ABCA13: variants seen among roughly 807,000 people sequenced by gnomAD.
The protein encoded by ABCA13 is ATP binding cassette subfamily A member 13.
Under a neutral mutation model 478.7 loss-of-function variants are expected in ABCA13, and 476 were observed. The ratio of observed to expected loss-of-function variants is 0.99; its 90% CI spans 0.92 to 1.07. The LOEUF is 1.07. ABCA13 is among the 50% of genes least tolerant of loss of function. The pLI, the probability that ABCA13 is intolerant of heterozygous loss-of-function variation, is 0.00. For synonymous variants in ABCA13, 2,252 were observed against 2,158.9 expected, an observed-to-expected ratio of 1.04 and a Z score of -1.20; for missense variants, 6,060 against 5,910.6, an observed-to-expected ratio of 1.03 and a Z score of -0.83.
chr7:48,586,609 G>A (rs1392052067), intron 56 of ABCA13, among the ~76,000 whole-genome samples: 1 of 152,108 alleles, frequency 6.6e-6, no homozygotes, highest in Non-Finnish European at 1.5e-5. Context: ...GACAAGGGGT[G>A]AAGAACTACC....
chr7:48,247,883 G>A (rs76417594), intron 13 of ABCA13, among the ~76,000 whole-genome samples: 5 of 152,224 alleles, frequency 3.3e-5, no homozygotes, highest in East Asian at 1.9e-4. Context: ...ATGGGTTTAC[G>A]TGAGCCAGAT....
intron 15 of ABCA13, among the ~76,000 whole-genome samples, chr7:48,267,190 T>C (rs1348016578): frequency 1.3e-5 from 2 of 152,072 alleles, no homozygotes; most frequent in African/African-American, 4.8e-5. Context: ...AGCAATTACA[T>C]CAAGTTGTTT....
chr7:48,280,835 C>G (rs1241197932), intron 18 of ABCA13, among the ~76,000 whole-genome samples: 1 of 152,194 alleles, frequency 6.6e-6, no homozygotes, highest in Non-Finnish European at 1.5e-5. Flanking sequence ...AATTTGACTG[C>G]TAGTTTTCAG....
Position 48,367,735 on chromosome 7 carries a change from A to G in ABCA13, c.10689-59A>G. On this transcript the variant is annotated intron_variant, in intron 31 of 61. Coordinates refer to ENST00000435803, the MANE Select transcript of ABCA13 (RefSeq NM_152701.5). ...CTTTCTAACTTGGAAGAAAAATGTA[A>G]AAAATTAGTAGAGTCATTTTGCTTG... 4.4e-6 allele frequency: 6 copies of G among 1,351,964 alleles called. 1 individual carries two copies. The South Asian group carries it at 6.3e-5, about 14-fold the overall frequency. The allele number at this position is 1,351,964 out of a possible 1,614,324, so 83.7% of individuals were successfully genotyped here.
chr7:48,468,342 C>T (rs927797627), intron 44 of ABCA13, among the ~76,000 whole-genome samples: 15 of 152,214 alleles, frequency 9.9e-5, no homozygotes, highest in African/African-American at 3.4e-4. Context: ...AGATCAGCCT[C>T]ATAGCTTTTC....
chr7:48,446,488 T>C (rs1288309146), intron 42 of ABCA13, among the ~76,000 whole-genome samples: 2 of 152,116 alleles, frequency 1.3e-5, no homozygotes, highest in East Asian at 1.9e-4. Flanking sequence ...TTACATACAG[T>C]TCTGTTCCTT....
chr7:48,253,816 A>G (rs1792950957), intron 15 of ABCA13, among the ~76,000 whole-genome samples: 1 of 152,198 alleles, frequency 6.6e-6, no homozygotes, highest in African/African-American at 2.4e-5. Context: ...TTGAGGACTT[A>G]AGATGTGTGG....
intron 31 of ABCA13, among the ~76,000 whole-genome samples, chr7:48,363,357 G>C (rs1183147490): frequency 6.6e-6 from 1 of 152,050 alleles, no homozygotes; most frequent in Non-Finnish European, 1.5e-5. Context: ...ATATAACTTG[G>C]TAATTTTGGC....
chr7:48,537,504 G>A (rs1412231321), intron 55 of ABCA13, among the ~76,000 whole-genome samples: 9 of 152,192 alleles, frequency 5.9e-5, no homozygotes, highest in Admixed American at 5.9e-4. Context: ...CCTGAACAAG[G>A]GAGGGGAAGG....
chr7:48,364,039 G>A (rs923140401), intron 31 of ABCA13, among the ~76,000 whole-genome samples: 1 of 152,100 alleles, frequency 6.6e-6, no homozygotes, highest in East Asian at 1.9e-4. Context: ...TTTTGTTACC[G>A]TGATTGTTAC....
intron 21 of ABCA13, among the ~76,000 whole-genome samples, chr7:48,296,258 G>A (rs994012311): frequency 6.6e-6 from 1 of 152,016 alleles, no homozygotes; most frequent in Non-Finnish European, 1.5e-5. Flanking sequence ...AAATTAGCAG[G>A]ATTTGGTGCT....
intron 31 of ABCA13, 84 bp downstream of exon 31, chr7:48,352,571 TGG>T: frequency 7.1e-7 from 1 of 1,408,492 alleles, no homozygotes; most frequent in Non-Finnish European, 9.4e-7. Flanking sequence ...AGTTTTTCTA[TGG>T]TTATTTCAAA....
In ABCA13 at chr7:48,272,312, T is replaced by G; in HGVS notation, c.2646T>G (p.Pro882=). 6.2e-7 allele frequency: 1 copy of G among 1,613,792 alleles called. No homozygotes were observed. The highest frequency in any genetic ancestry group is 8.5e-7 in the Non-Finnish European group (1 of 1,179,758). The change falls in exon 17 of 62, where the codon CCT becomes CCG. Residue 882 remains proline (P), a synonymous_variant. Transcript: ENST00000435803. Reference sequence around the variant, plus strand: ...CCCAGTTGTTCCATTCAGATTGGCCTAAATCACCAGCTATGAACATAGATT... The same window carrying G: ...CCCAGTTGTTCCATTCAGATTGGCCGAAATCACCAGCTATGAACATAGATT... ...NFSQLFHSDW[P]KSPAMNIDFV... is the part of the protein sequence containing the mutation.
In ABCA13 at chr7:48,272,611, G is replaced by A; in HGVS notation, c.2945G>A (p.Gly982Asp). 2 of 1,612,956 alleles carry A rather than the reference G, an allele frequency of 1.2e-6. No individual in the cohort carries two copies. Among genetic ancestry groups the A allele is most frequent in the Non-Finnish European group, 1.7e-6 (2 of 1,179,224 alleles). Residue 982 changes from glycine to aspartate, a missense_variant, in exon 17 of 62, where the codon GGC (glycine) becomes GAC (aspartate). Gly to Asp is a moderately conservative substitution (Grantham distance 94, BLOSUM62 -1). This residue lies in a region of ABCA13 where 4,423 missense variants were observed against 4,309.1 expected (regional missense o/e 1.03). Transcript: ENST00000435803. ...IYELLNIQSR[G>D]SSLTFLTQIS... ...GAATTATTGAATATTCAGAGTAGAG[G>A]CTCTTCGTTGACTTTCCTTACACAA...
In ABCA13 at chr7:48,308,700, T is replaced by C. The variant is rs570086425; in HGVS notation, c.9322-1247T>C. ...CATCATGTACCAGATAGCGATATTT[T>C]GGTCAACAATGGACCCCATATAGGA... On this transcript the variant is annotated intron_variant, in intron 23 of 61. Transcript: ENST00000435803. 2.6e-5 allele frequency among the ~76,000 whole-genome samples: 4 copies of C among 152,178 alleles called. No homozygotes were observed. The South Asian group carries it at 8.3e-4, about 32-fold the overall frequency.
At chr7:48,536,579 C>T (rs1258298825) in intron 55 of ABCA13, among the ~76,000 whole-genome samples, 2 of 151,284 alleles carry the variant, frequency 1.3e-5, no homozygotes, top group Non-Finnish European at 2.9e-5. Context: ...ACTCTGGAGG[C>T]GGAGGTTGCA....
chr7:48,215,809 C>G (rs117153898), intron 3 of ABCA13, among the ~76,000 whole-genome samples: 1 of 152,124 alleles, frequency 6.6e-6, no homozygotes, highest in African/African-American at 2.4e-5. Context: ...CTTTCTGTCT[C>G]GATAGATTTT....
chr7:48,610,652 G>C (rs147851041), intron 58 of ABCA13, among the ~76,000 whole-genome samples: 172 of 152,316 alleles, frequency 1.1e-3, no homozygotes, highest in African/African-American at 4.0e-3. Flanking sequence ...TGGACAGCCA[G>C]GTGTTTCCAT....
intron 15 of ABCA13, among the ~76,000 whole-genome samples, chr7:48,266,613 C>A (rs1794903585): frequency 6.6e-6 from 1 of 151,766 alleles, no homozygotes; most frequent in South Asian, 2.1e-4. Flanking sequence ...TGCCTAGAGG[C>A]TTATCAATCT....
Sources: gnomAD v4.1 joint callset for allele counts (sites outside exome capture counted in the v4.1 genomes callset) on GRCh38, gnomAD v4.1.1 for gene constraint, gnomAD v4.1.1 regional missense constraint, MANE v1.5 for transcripts, NCBI Gene and HGNC (gene_info 2026-07-23, HGNC 2026-07-21) for gene names.